NRG1: variants seen among roughly 807,000 people sequenced by gnomAD.
The protein encoded by NRG1 is pro-neuregulin-1, membrane-bound isoform.
A neutral mutation model predicts 63.8 loss-of-function variants in NRG1; 18 were observed. The observed-to-expected ratio is 0.28, with a 90% CI of 0.19 to 0.42. The LOEUF (loss-of-function observed/expected upper bound fraction) is 0.42. NRG1 is among the 10% of genes least tolerant of loss of function. The pLI is 1.00. For missense variants in NRG1, 762 were observed against 814.7 expected (o/e 0.94, Z 0.79); for synonymous variants, 302 against 301.3 (o/e 1.00, Z -0.02).
intron 1 of NRG1, among the ~76,000 whole-genome samples, chr8:31,787,699 C>T (rs1293815454): frequency 2.6e-5 from 4 of 152,142 alleles, no homozygotes; most frequent in African/African-American, 9.7e-5. Context: ...TCAATTTACA[C>T]TGAATGCATG....
At chr8:32,427,303 T>C (rs1817507958) in intron 1 of NRG1, among the ~76,000 whole-genome samples, 1 of 152,194 alleles carries the variant, frequency 6.6e-6, no homozygotes, top group Non-Finnish European at 1.5e-5. Flanking sequence ...TATCTTATTT[T>C]TCTTTGGACA....
At chr8:32,374,594 C>G (rs2129482946) in intron 1 of NRG1, among the ~76,000 whole-genome samples, 1 of 152,210 alleles carries the variant, frequency 6.6e-6, no homozygotes, top group East Asian at 1.9e-4. Flanking sequence ...AGAGCAAAAC[C>G]AAATTAGTGA....
At chr8:32,309,821 C>T (rs1396965180) in intron 1 of NRG1, among the ~76,000 whole-genome samples, 1 of 152,234 alleles carries the variant, frequency 6.6e-6, no homozygotes, top group Non-Finnish European at 1.5e-5. Context: ...AAAAATCCCC[C>T]AAATTCCGCC....
intron 1 of NRG1, among the ~76,000 whole-genome samples, chr8:32,312,662 G>A (rs115216196): frequency 1.3e-5 from 2 of 152,054 alleles, no homozygotes; most frequent in Admixed American, 6.5e-5. Context: ...CGTTAGGACT[G>A]CCTCCCACCT....
chr8:32,637,604 G>A (rs994639910), intron 5 of NRG1, among the ~76,000 whole-genome samples: 5 of 152,174 alleles, frequency 3.3e-5, no homozygotes, highest in African/African-American at 7.2e-5. Context: ...AGTAATGTTC[G>A]GGCGATTCCC....
rs1035892698 is a variant in NRG1, at chr8:32,180,862, C to T, written c.38-414966C>T. On this transcript the variant is annotated intron_variant, in intron 1 of 10. Transcript: ENST00000519301. ...AAATAGTCCTCTTAGAATTATTCCCCCAATTGAAGTTGTGTGCCCTTTCAC... is the reference window on the plus strand; with the variant it reads ...AAATAGTCCTCTTAGAATTATTCCCTCAATTGAAGTTGTGTGCCCTTTCAC... 2.0e-5 allele frequency among the ~76,000 whole-genome samples: 3 copies of T among 152,042 alleles called. No homozygotes were observed. The East Asian group carries it at 5.8e-4, about 29-fold the overall frequency.
intron 1 of NRG1, among the ~76,000 whole-genome samples, chr8:31,753,739 G>GT (rs982298514): frequency 3.3e-5 from 5 of 151,974 alleles, no homozygotes; most frequent in Admixed American, 1.3e-4. Context: ...ATATATCAGG[G>GT]TTTTTTTAAG....
chr8:32,010,845 T>A (rs1814636265), intron 1 of NRG1, among the ~76,000 whole-genome samples: 1 of 152,120 alleles, frequency 6.6e-6, no homozygotes, highest in Non-Finnish European at 1.5e-5. Context: ...CAGTGTTTTA[T>A]CTTGCAGAAC....
intron 1 of NRG1, among the ~76,000 whole-genome samples, chr8:32,296,951 CT>C (rs1433621844): frequency 6.6e-6 from 1 of 152,020 alleles, no homozygotes; most frequent in Non-Finnish European, 1.5e-5. Flanking sequence ...CCCCACTCTA[CT>C]AAAAATACAA....
intron 1 of NRG1, among the ~76,000 whole-genome samples, chr8:32,552,208 C>A (rs1042060930): frequency 8.0e-6 from 1 of 125,458 alleles, no homozygotes; most frequent in African/African-American, 3.0e-5. Context: ...GGCGCTTGGC[C>A]GCTTTTTTTT....
intron 1 of NRG1, among the ~76,000 whole-genome samples, chr8:31,768,864 C>T (rs1256407084): frequency 6.6e-6 from 1 of 152,180 alleles, no homozygotes; most frequent in Non-Finnish European, 1.5e-5. Flanking sequence ...ATGGAATTTC[C>T]TGGAATCCAC....
At chr8:31,770,229 G>A (rs932432488) in intron 1 of NRG1, among the ~76,000 whole-genome samples, 14 of 152,130 alleles carry the variant, frequency 9.2e-5, no homozygotes, top group Non-Finnish European at 1.5e-4. Flanking sequence ...GTACACACAC[G>A]TGTGAGTTAA....
intron 5 of NRG1, among the ~76,000 whole-genome samples, chr8:32,721,425 A>G (rs2129002821): frequency 6.6e-6 from 1 of 152,282 alleles, no homozygotes; most frequent in South Asian, 2.1e-4. Flanking sequence ...CCAGCGTATT[A>G]GCTAAGTCCT....
intron 1 of NRG1, among the ~76,000 whole-genome samples, chr8:32,184,131 G>C (rs1841728001): frequency 6.6e-6 from 1 of 151,566 alleles, no homozygotes; most frequent in African/African-American, 2.4e-5. Context: ...AAATATATAT[G>C]ATATATATAG....
chr8:32,606,136 T>C (rs1289887382), intron 3 of NRG1, among the ~76,000 whole-genome samples: 2 of 148,768 alleles, frequency 1.3e-5, no homozygotes, highest in African/African-American at 4.9e-5. Context: ...TACGTATATA[T>C]AACATATGTA....
At chr8:32,626,000 G>T (rs930059610) in intron 5 of NRG1, among the ~76,000 whole-genome samples, 1 of 151,824 alleles carries the variant, frequency 6.6e-6, no homozygotes, top group Non-Finnish European at 1.5e-5. Flanking sequence ...CACCATGTTG[G>T]CCAGGCTGGT....
chr8:31,640,219 G>A lies in NRG1; in HGVS notation c.37+788G>A. The A allele has an allele frequency of 8.6e-7, 1 of 1,165,090 alleles. No homozygotes were observed. The highest frequency in any genetic ancestry group is 1.1e-6 in the Non-Finnish European group (1 of 944,406). The allele number at this position is 1,165,090 out of a possible 1,614,324, so 72.2% of individuals were successfully genotyped here. On this transcript the variant is annotated intron_variant, in intron 1 of 10. Transcript: ENST00000519301. The surrounding 1 kb of genome is among the most constrained non-coding windows in gnomAD (Gnocchi z 6.3). Reference sequence around the variant, plus strand: ...ATCGGTGCAGGAGCTAGCTCAGCGCGCCGCGGTGGTGATCGAGGGAAAGGT... The same window carrying A: ...ATCGGTGCAGGAGCTAGCTCAGCGCACCGCGGTGGTGATCGAGGGAAAGGT...
At chr8:32,048,869 C>G (rs1449648423) in intron 1 of NRG1, among the ~76,000 whole-genome samples, 1 of 151,766 alleles carries the variant, frequency 6.6e-6, no homozygotes, top group East Asian at 1.9e-4. Context: ...ATATGAACCC[C>G]TTATCAAATG....
chr8:32,409,745 TTC>T (rs1814622304), intron 1 of NRG1, among the ~76,000 whole-genome samples: 1 of 152,216 alleles, frequency 6.6e-6, no homozygotes, highest in African/African-American at 2.4e-5. Flanking sequence ...GATAGTTAAC[TTC>T]TCTCTCTTTT....
Sources: gnomAD v4.1 joint callset for allele counts (sites outside exome capture counted in the v4.1 genomes callset) on GRCh38, gnomAD v4.1.1 for gene constraint, Gnocchi (gnomAD v3.1) non-coding constraint, MANE v1.5 for transcripts, NCBI Gene and HGNC (gene_info 2026-07-23, HGNC 2026-07-21) for gene names.